TBC1D5: variants seen among roughly 807,000 people sequenced by gnomAD.
TBC1D5 encodes TBC1 domain family member 5.
A neutral mutation model predicts 100.3 loss-of-function variants in TBC1D5; 75 were observed. That is an observed-to-expected ratio of 0.75 (90% CI 0.62 to 0.91). The LOEUF (loss-of-function observed/expected upper bound fraction) is 0.91. TBC1D5 is among the 40% of genes least tolerant of loss of function. The probability of loss-of-function intolerance (pLI) is 0.00; values close to 1 mark genes in which losing one functional copy is unlikely to be tolerated. For synonymous variants in TBC1D5, 323 were observed against 325.6 expected, an observed-to-expected ratio of 0.99 and a Z score of 0.09; for missense variants, 910 against 942.4, an observed-to-expected ratio of 0.97 and a Z score of 0.45.
At chr3:17,191,018 G>C (rs1433302384) in intron 18 of TBC1D5, among the ~76,000 whole-genome samples, 2 of 152,200 alleles carry the variant, frequency 1.3e-5, no homozygotes, top group Non-Finnish European at 1.5e-5. Context: ...TACACGGTGT[G>C]AATGAAATCC....
chr3:17,550,896 T>C (rs745713161), intron 2 of TBC1D5, among the ~76,000 whole-genome samples: 2 of 152,168 alleles, frequency 1.3e-5, no homozygotes, highest in African/African-American at 2.4e-5. Context: ...TAAATTTATG[T>C]CATGTTCACA....
chr3:17,552,005 T>A (rs1197295276), intron 2 of TBC1D5, among the ~76,000 whole-genome samples: 1 of 152,106 alleles, frequency 6.6e-6, no homozygotes. Flanking sequence ...ATCTTCAACA[T>A]CTGCAGCACC....
chr3:17,344,217 G>C (rs2089502108), intron 13 of TBC1D5, among the ~76,000 whole-genome samples: 1 of 151,988 alleles, frequency 6.6e-6, no homozygotes, highest in Non-Finnish European at 1.5e-5. Context: ...CTTCAGCAAA[G>C]TCTCAGGATA....
At chr3:17,416,972 G>T (rs1369070450) in intron 4 of TBC1D5, among the ~76,000 whole-genome samples, 1 of 152,158 alleles carries the variant, frequency 6.6e-6, no homozygotes, top group Admixed American at 6.5e-5. Context: ...TGGGCCATGG[G>T]ATAAACTTTT....
intron 3 of TBC1D5, 40 bp downstream of exon 3, chr3:17,508,434 A>G (rs779635597): frequency 6.5e-7 from 1 of 1,536,366 alleles, no homozygotes; most frequent in South Asian, 1.1e-5. Flanking sequence ...TAGGTTTCCC[A>G]GTACACTACC....
chr3:17,235,020 G>A (rs77939568), intron 17 of TBC1D5, among the ~76,000 whole-genome samples: 1 of 152,174 alleles, frequency 6.6e-6, no homozygotes, highest in East Asian at 1.9e-4. Flanking sequence ...CACTGATAAT[G>A]GCGTGCCTAC....
chr3:17,317,771 C>T (rs2084878431), intron 13 of TBC1D5, among the ~76,000 whole-genome samples: 3 of 152,076 alleles, frequency 2.0e-5, no homozygotes, highest in Admixed American at 2.0e-4. Flanking sequence ...AAAAGTACTA[C>T]CACATTTGGA....
At chr3:17,526,595 C>T (rs1206508226) in intron 2 of TBC1D5, among the ~76,000 whole-genome samples, 1 of 152,148 alleles carries the variant, frequency 6.6e-6, no homozygotes, top group Non-Finnish European at 1.5e-5. Flanking sequence ...TAAACTGTGT[C>T]TCAGTTTCCT....
At chr3:17,396,097 G>A (rs940028351) in intron 8 of TBC1D5, among the ~76,000 whole-genome samples, 5 of 151,956 alleles carry the variant, frequency 3.3e-5, no homozygotes, top group Non-Finnish European at 5.9e-5. Context: ...CTTAGAGAGC[G>A]GCTTGTGTTG....
chr3:17,661,961 G>T (rs2066702784), intron 1 of TBC1D5, among the ~76,000 whole-genome samples: 2 of 152,000 alleles, frequency 1.3e-5, no homozygotes, highest in African/African-American at 4.8e-5. Context: ...CACAATCATA[G>T]CTCACTGCAT....
At chr3:17,489,430 C>A (rs1365117943) in intron 3 of TBC1D5, among the ~76,000 whole-genome samples, 1 of 152,060 alleles carries the variant, frequency 6.6e-6, no homozygotes, top group African/African-American at 2.4e-5. Flanking sequence ...CTCCTATGAA[C>A]CTCTTTCCTT....
chr3:17,554,849 T>TTTTTTTTTC (rs1220683702), intron 2 of TBC1D5, among the ~76,000 whole-genome samples: 1 of 151,654 alleles, frequency 6.6e-6, no homozygotes, highest in African/African-American at 2.4e-5. Flanking sequence ...ATCTGTGCTT[T>TTTTTTTTTC]TTTTTTTTCT....
chr3:17,324,764 GCCC>G (rs1469329017), intron 13 of TBC1D5, among the ~76,000 whole-genome samples: 6 of 151,924 alleles, frequency 3.9e-5, no homozygotes, highest in Non-Finnish European at 7.4e-5. Flanking sequence ...TCATAATAAT[GCCC>G]CCATTTTAAA....
At chr3:17,254,583 C>T (rs1372437615) in intron 16 of TBC1D5, among the ~76,000 whole-genome samples, 5 of 151,832 alleles carry the variant, frequency 3.3e-5, no homozygotes, top group East Asian at 1.9e-4. Flanking sequence ...TTTATATATT[C>T]GGGATATATG....
chr3:17,213,311 C>T (rs368215491), intron 18 of TBC1D5, among the ~76,000 whole-genome samples: 4 of 152,098 alleles, frequency 2.6e-5, no homozygotes, highest in African/African-American at 4.8e-5. Context: ...GATGAAATTG[C>T]GTAACAACAC....
At chr3:17,267,278 A>G (rs2247106) in intron 15 of TBC1D5, among the ~76,000 whole-genome samples, 60,866 of 151,800 alleles carry the variant, frequency 0.4, 12,913 homozygotes, top group Middle Eastern at 0.5. Context: ...TAGGTCTACA[A>G]ATTTTCTTTG....
intron 2 of TBC1D5, among the ~76,000 whole-genome samples, chr3:17,608,086 G>A (rs1041219549): frequency 1.3e-5 from 2 of 151,898 alleles, no homozygotes; most frequent in Admixed American, 6.6e-5. Context: ...GCGAAACCCC[G>A]TCTCTACTAA....
chr3:17,386,558 C>CAAT (rs1260007085), intron 8 of TBC1D5, among the ~76,000 whole-genome samples: 1 of 152,074 alleles, frequency 6.6e-6, no homozygotes, highest in Non-Finnish European at 1.5e-5. Flanking sequence ...ACACGTCTGC[C>CAAT]AATCATTGAG....
chr3:17,162,259 G>C (rs17043157), intron 21 of TBC1D5, among the ~76,000 whole-genome samples: 17,549 of 152,216 alleles, frequency 0.12, 1,291 homozygotes, highest in African/African-American at 0.21. Context: ...TATGGAGACC[G>C]CTGACTGGAA....
Sources: gnomAD v4.1 joint callset for allele counts (sites outside exome capture counted in the v4.1 genomes callset) on GRCh38, gnomAD v4.1.1 for gene constraint, MANE v1.5 for transcripts, NCBI Gene and HGNC (gene_info 2026-07-23, HGNC 2026-07-21) for gene names.